Variants in ZNF148 observed in about 807,000 individuals in gnomAD.
The protein encoded by ZNF148 is Beta-Enolase Repressor Factor-1.
A neutral mutation model predicts 67.7 loss-of-function variants in ZNF148; 7 were observed. The observed-to-expected ratio is 0.10, with a 90% confidence interval of 0.06 to 0.19. The LOEUF is 0.19. Among genes scored for constraint, ZNF148 ranks in the 10% least tolerant of loss-of-function variants. The pLI, the probability that ZNF148 is intolerant of heterozygous loss-of-function variation, is 1.00. For synonymous variants in ZNF148, 333 were observed against 330.7 expected, an observed-to-expected ratio of 1.01 and a Z score of -0.08; for missense variants, 583 against 947.1, an observed-to-expected ratio of 0.62 and a Z score of 5.05.
At chr3:125,269,811 G>A (rs971549545) in intron 7 of ZNF148, among the ~76,000 whole-genome samples, 1 of 152,148 alleles carries the variant, frequency 6.6e-6, no homozygotes. Flanking sequence ...CAGAAACATG[G>A]ATGCAGCTGG....
intron 4 of ZNF148, among the ~76,000 whole-genome samples, chr3:125,306,973 CTCTT>C (rs1241271507): frequency 6.6e-6 from 1 of 151,832 alleles, no homozygotes; most frequent in Non-Finnish European, 1.5e-5. Context: ...CTTACACAAA[CTCTT>C]TCAGAAAACA....
At chr3:125,339,260 T>A (rs1219822609) in intron 1 of ZNF148, among the ~76,000 whole-genome samples, 1 of 152,240 alleles carries the variant, frequency 6.6e-6, no homozygotes, top group East Asian at 1.9e-4. Context: ...CTAGGCAATG[T>A]AAAAGCACGA....
At chr3:125,322,426 C>T (rs1045605432) in intron 3 of ZNF148, among the ~76,000 whole-genome samples, 1 of 151,872 alleles carries the variant, frequency 6.6e-6, no homozygotes, top group Non-Finnish European at 1.5e-5. Context: ...AAATTAAGTG[C>T]AACATATGGC....
intron 1 of ZNF148, among the ~76,000 whole-genome samples, chr3:125,366,771 C>A (rs939435723): frequency 6.6e-6 from 1 of 152,132 alleles, no homozygotes; most frequent in South Asian, 2.1e-4. Flanking sequence ...CCTTTGCTTA[C>A]GCTAATCTCT....
rs979442069 is a variant in ZNF148, at chr3:125,228,136, C to T, written c.*4205G>A. The T allele has an allele frequency of 1.3e-5, 2 of 152,594 alleles. No individual in the cohort carries two copies. The highest frequency in any genetic ancestry group is 2.9e-5 in the Non-Finnish European group (2 of 68,028). The allele number at this position is 152,594 out of a possible 1,614,324, so 9.5% of individuals were successfully genotyped here. On this transcript the variant is annotated 3_prime_UTR_variant, in exon 9 of 9. Coordinates refer to ENST00000360647, the MANE Select transcript of ZNF148 (RefSeq NM_021964.3). ...CAATGGAGCTGAAGTCACCTCAAAACTTACGGGCTTGAATCTAAAACAGAA... is the reference window on the plus strand; with the variant it reads ...CAATGGAGCTGAAGTCACCTCAAAATTTACGGGCTTGAATCTAAAACAGAA...
intron 7 of ZNF148, among the ~76,000 whole-genome samples, chr3:125,235,682 A>G (rs567227345): frequency 8.5e-5 from 13 of 152,208 alleles, no homozygotes; most frequent in African/African-American, 2.9e-4. Context: ...TCACAATAGC[A>G]AAGACTTGGA....
intron 1 of ZNF148, among the ~76,000 whole-genome samples, chr3:125,350,110 C>T (rs1942085378): frequency 1.3e-5 from 2 of 152,020 alleles, no homozygotes; most frequent in Non-Finnish European, 2.9e-5. Context: ...CTGTATGTTC[C>T]AGAAATCCCA....
chr3:125,254,295 T>C (rs1427628892), intron 7 of ZNF148, among the ~76,000 whole-genome samples: 4 of 152,310 alleles, frequency 2.6e-5, no homozygotes, highest in Middle Eastern at 3.4e-3. Flanking sequence ...GCCAAATGCA[T>C]GATCTCTTTT....
At chr3:125,265,562 T>C (rs373453378) in intron 7 of ZNF148, among the ~76,000 whole-genome samples, 3 of 152,362 alleles carry the variant, frequency 2.0e-5, no homozygotes, top group East Asian at 3.9e-4. Flanking sequence ...GATTTTTCTA[T>C]TGGGATAAAG....
intron 6 of ZNF148, among the ~76,000 whole-genome samples, chr3:125,278,382 G>A (rs1197217877): frequency 1.3e-5 from 2 of 151,972 alleles, no homozygotes; most frequent in Non-Finnish European, 2.9e-5. Context: ...TTCTACCTTA[G>A]TACTTTCTCT....
rs1935866064 is a variant in ZNF148 at position 125,231,819 on chromosome 3, CT to C, written c.*521del. On this transcript the variant is annotated 3_prime_UTR_variant, in exon 9 of 9. Transcript: ENST00000360647. ...AATCAAGGGTATATGGCATATCATT[CT>C]TTTTAAAAGGTGGTTTCTTGGTTTT... 1 of 152,554 alleles carries C rather than the reference CT, an allele frequency of 6.6e-6. No individual in the cohort carries two copies. 9.5% of individuals were successfully genotyped at this position (152,554 alleles called of 1,614,324 possible).
intron 1 of ZNF148, among the ~76,000 whole-genome samples, chr3:125,350,467 G>T (rs1035470269): frequency 6.6e-6 from 1 of 152,174 alleles, no homozygotes; most frequent in East Asian, 1.9e-4. Flanking sequence ...CACCACCATG[G>T]ATTTTTGAGG....
chr3:125,310,222 G>C lies in ZNF148; in HGVS notation c.333+3086C>G, dbSNP rs183484701. Among the ~76,000 whole-genome samples the C allele has an allele frequency of 6.6e-5, 10 of 151,912 alleles. No homozygotes were observed. The East Asian group carries it at 1.9e-3, about 29-fold the overall frequency. On this transcript the variant is annotated intron_variant, in intron 4 of 8. Coordinates refer to ENST00000360647, the MANE Select transcript of ZNF148 (RefSeq NM_021964.3). ...AGCCTCCCACATAGCTGGGATTACA[G>C]GTGCATGCCACCATGCCCGGCTAAT...
rs904396058 is a variant in ZNF148 at position 125,372,629 on chromosome 3, G to A, written c.-234+2473C>T. 6.2e-4 allele frequency among the ~76,000 whole-genome samples: 95 copies of A among 152,156 alleles called. 1 individual carries two copies. Among genetic ancestry groups the A allele is most frequent in the Admixed American group, 6.2e-3 (94 of 15,270 alleles). ...GAACTGCAATAGGCAGGTGAGACAG[G>A]GGCTGCTGTTTTTCATTGTAAGTTC... On this transcript the variant is annotated intron_variant, in intron 1 of 8. Coordinates refer to ENST00000360647, the MANE Select transcript of ZNF148 (RefSeq NM_021964.3).
intron 1 of ZNF148, among the ~76,000 whole-genome samples, chr3:125,356,265 C>A (rs1242030044): frequency 1.3e-5 from 2 of 152,184 alleles, no homozygotes; most frequent in Non-Finnish European, 2.9e-5. Flanking sequence ...TTCCACCAAA[C>A]AGACAAACAC....
At chr3:125,258,342 G>A (rs373956180) in intron 7 of ZNF148, among the ~76,000 whole-genome samples, 180 of 140,530 alleles carry the variant, frequency 1.3e-3, no homozygotes, top group African/African-American at 4.5e-3. Context: ...GGAGAATGGC[G>A]TGAACCCGGG....
rs188030395 is a variant in ZNF148, at chr3:125,361,926, G to A, written c.-234+13176C>T. 3.3e-5 allele frequency among the ~76,000 whole-genome samples: 5 copies of A among 152,144 alleles called. No homozygotes were observed. The East Asian group carries it at 9.7e-4, about 29-fold the overall frequency. ...ACAACTACTTTATGTTCTAGTTGTA[G>A]ACCTGCTCTTTACCTCCACTTGGCT... On this transcript the variant is annotated intron_variant, in intron 1 of 8. Transcript: ENST00000360647.
At chr3:125,280,821 T>C (rs1938344829) in intron 5 of ZNF148, among the ~76,000 whole-genome samples, 1 of 142,100 alleles carries the variant, frequency 7.0e-6, no homozygotes, top group South Asian at 2.2e-4. Context: ...GAAGATCTGA[T>C]CAGGAGGGGT....
At chr3:125,238,410 T>C (rs1038080576) in intron 7 of ZNF148, among the ~76,000 whole-genome samples, 2 of 151,916 alleles carry the variant, frequency 1.3e-5, no homozygotes, top group African/African-American at 4.8e-5. Context: ...GGTGGATCAC[T>C]TGAGGTCAGG....
Sources: gnomAD v4.1 joint callset for allele counts (sites outside exome capture counted in the v4.1 genomes callset) on GRCh38, gnomAD v4.1.1 for gene constraint, MANE v1.5 for transcripts, NCBI Gene and HGNC (gene_info 2026-07-23, HGNC 2026-07-21) for gene names.